VWA2: variants seen among roughly 807,000 people sequenced by gnomAD.
The protein encoded by VWA2 is von Willebrand factor A domain containing 2.
Under a neutral mutation model 70.4 loss-of-function variants are expected in VWA2, and 73 were observed. That is an observed-to-expected ratio of 1.04 (90% CI 0.86 to 1.26). VWA2 has a LOEUF of 1.26. Ranked by LOEUF, VWA2 falls within the 50% of genes most tolerant of loss-of-function variation. The pLI, the probability that VWA2 is intolerant of heterozygous loss-of-function variation, is 0.00. For missense variants in VWA2, 1,011 were observed against 998.5 expected, an observed-to-expected ratio of 1.01 and a Z score of -0.17; for synonymous variants, 407 against 423.3, an observed-to-expected ratio of 0.96 and a Z score of 0.47.
At chr10:114,274,252 G>A (rs2037772109) in intron 6 of VWA2, among the ~76,000 whole-genome samples, 2 of 152,344 alleles carry the variant, frequency 1.3e-5, no homozygotes, top group Non-Finnish European at 2.9e-5. Flanking sequence ...AGTTTATTGT[G>A]AGTAGGATGA....
rs539641081 is a variant in VWA2 at position 114,262,380 on chromosome 10, A to G, written c.371+1085A>G. Among the ~76,000 whole-genome samples, 16 of 151,920 alleles carry G rather than the reference A, an allele frequency of 1.1e-4. No homozygotes were observed. The South Asian group carries it at 3.3e-3, about 32-fold the overall frequency. ...CATATATACATATGCACATATTGAC[A>G]CATACATGTATATACATACACACAT... On this transcript the variant is annotated intron_variant, in intron 5 of 13. Coordinates refer to ENST00000392982, the MANE Select transcript of VWA2 (RefSeq NM_001272046.2).
chr10:114,244,062 T>G (rs368830142), intron 1 of VWA2, among the ~76,000 whole-genome samples: 1 of 152,224 alleles, frequency 6.6e-6, no homozygotes, highest in Non-Finnish European at 1.5e-5. Flanking sequence ...GAGGCATACC[T>G]GAGAATGGGT....
chr10:114,260,997 CTGTT>C (rs1289007781), intron 4 of VWA2, among the ~76,000 whole-genome samples, 185 bp from the exon 5 acceptor site: 7 of 152,180 alleles, frequency 4.6e-5, no homozygotes, highest in African/African-American at 1.7e-4. Context: ...ACAGATTTGG[CTGTT>C]TTTTTCCAGG....
intron 5 of VWA2, among the ~76,000 whole-genome samples, chr10:114,271,642 C>CACACACACACACACACACACACAG (rs3220694): frequency 6.6e-6 from 1 of 151,486 alleles, no homozygotes; most frequent in African/African-American, 2.4e-5. Flanking sequence ...CACACACACA[C>CACACACACACACACACACACACAG]AGCAGGTAAT....
chr10:114,251,656 G>A (rs1343758173), intron 2 of VWA2, among the ~76,000 whole-genome samples: 2 of 152,104 alleles, frequency 1.3e-5, no homozygotes, highest in East Asian at 1.9e-4. Flanking sequence ...AGGGCTGGGC[G>A]AGGCTCTGTG....
chr10:114,270,887 A>G (rs554493636), intron 5 of VWA2, among the ~76,000 whole-genome samples: 1 of 152,238 alleles, frequency 6.6e-6, no homozygotes, highest in South Asian at 2.1e-4. Flanking sequence ...TAGCTCCAGA[A>G]CACAGGTTAC....
rs1564755360 is a variant in VWA2 at position 114,293,992 on chromosome 10, A to G, written c.*2755A>G. On this transcript the variant is annotated 3_prime_UTR_variant, in exon 14 of 14. Coordinates refer to ENST00000392982, the MANE Select transcript of VWA2 (RefSeq NM_001272046.2). ...ATGCTTAATTCCTAGATGAACTAAGAGTGTTTATTACATGTTGAGATTTAT... is the reference window on the plus strand; with the variant it reads ...ATGCTTAATTCCTAGATGAACTAAGGGTGTTTATTACATGTTGAGATTTAT... 6.6e-6 allele frequency among the ~76,000 whole-genome samples: 1 copy of G among 152,196 alleles called. No homozygotes were observed. Among genetic ancestry groups the G allele is most frequent in the Admixed American group, 6.5e-5 (1 of 15,282 alleles).
At chr10:114,261,508 T>TA (rs34018253) in intron 5 of VWA2, among the ~76,000 whole-genome samples, 2 of 152,088 alleles carry the variant, frequency 1.3e-5, no homozygotes, top group South Asian at 2.1e-4. Context: ...TAAATGCAAG[T>TA]AAAAAAATTG....
intron 4 of VWA2, among the ~76,000 whole-genome samples, chr10:114,256,311 A>G (rs1351506875): frequency 6.6e-6 from 1 of 152,248 alleles, no homozygotes; most frequent in East Asian, 1.9e-4. Flanking sequence ...TCTGATATGG[A>G]AAAACACCAG....
intron 1 of VWA2, among the ~76,000 whole-genome samples, chr10:114,244,806 TA>T (rs2037036417): frequency 6.6e-6 from 1 of 152,232 alleles, no homozygotes; most frequent in Non-Finnish European, 1.5e-5. Flanking sequence ...AATCTTGGTA[TA>T]AAAAAGAATG....
intron 9 of VWA2, 144 bp downstream of exon 9, chr10:114,282,715 G>A: frequency 1.5e-6 from 1 of 689,052 alleles, no homozygotes; most frequent in Non-Finnish European, 2.6e-6. Flanking sequence ...GGGGGCAGAG[G>A]AGAGTGTGCT....
At chr10:114,246,209 T>C in intron 1 of VWA2, 1 of 1,101,914 alleles carries the variant, frequency 9.1e-7, no homozygotes, top group South Asian at 1.2e-5. Flanking sequence ...CAAAAGAATA[T>C]CACGGGTTGG....
chr10:114,239,795 G>A (rs942208158), intron 1 of VWA2, among the ~76,000 whole-genome samples: 2 of 152,202 alleles, frequency 1.3e-5, no homozygotes, highest in African/African-American at 4.8e-5. Flanking sequence ...AGCGCACCTG[G>A]CGCGCGCCTC....
chr10:114,244,134 C>T (rs2037021924), intron 1 of VWA2, among the ~76,000 whole-genome samples: 1 of 152,198 alleles, frequency 6.6e-6, no homozygotes, highest in African/African-American at 2.4e-5. Flanking sequence ...GCCAGAGGGC[C>T]CTGGTAAATC....
intron 11 of VWA2, 24 bp from the exon 12 acceptor site, chr10:114,288,913 GA>G: frequency 1.3e-6 from 2 of 1,580,136 alleles, no homozygotes; most frequent in Non-Finnish European, 1.7e-6. Context: ...ATCCACTGCT[GA>G]AGCCCCTCTG....
intron 4 of VWA2, among the ~76,000 whole-genome samples, chr10:114,259,095 T>A (rs1020242592): frequency 6.6e-6 from 1 of 152,252 alleles, no homozygotes; most frequent in Non-Finnish European, 1.5e-5. Flanking sequence ...TTATTTTTAA[T>A]TTTCAATAAA....
intron 4 of VWA2, among the ~76,000 whole-genome samples, chr10:114,259,361 C>T (rs2037394772): frequency 6.6e-6 from 1 of 152,044 alleles, no homozygotes; most frequent in Admixed American, 6.6e-5. Context: ...GATTCCCAGA[C>T]ACCTTTTTAT....
Position 114,292,134 on chromosome 10 carries a change from G to C in VWA2, c.*897G>C, listed in dbSNP as rs760543867. ...TTTACTAAAAATACAAAAGGTAGCC[G>C]GGGGTGGTGGTGGATGCCTATAATC... is the stretch of plus-strand genomic sequence containing the variant. On this transcript the variant is annotated 3_prime_UTR_variant, in exon 14 of 14. Coordinates refer to ENST00000392982, the MANE Select transcript of VWA2 (RefSeq NM_001272046.2). 6.6e-6 allele frequency among the ~76,000 whole-genome samples: 1 copy of C among 152,048 alleles called. No homozygotes were observed. The highest frequency in any genetic ancestry group is 2.4e-5 in the African/African-American group (1 of 41,400).
rs1287683101 is a variant in VWA2 at position 114,253,738 on chromosome 10, TC to T, written c.127+14del. 11 of 1,611,638 alleles carry T rather than the reference TC, an allele frequency of 6.8e-6. No homozygotes were observed. Among genetic ancestry groups the T allele is most frequent in the South Asian group, 3.3e-5 (3 of 90,960 alleles). On this transcript the variant is annotated intron_variant, in intron 3 of 13. Coordinates refer to ENST00000392982, the MANE Select transcript of VWA2 (RefSeq NM_001272046.2). The stretch of plus-strand genomic sequence containing the variant: ...GCTGCCAGCAAAAGTAAGCCCAGGT[TC>T]TTCTTAACCCTCCAGATGCCCACTC...
Sources: gnomAD v4.1 joint callset for allele counts (sites outside exome capture counted in the v4.1 genomes callset) on GRCh38, gnomAD v4.1.1 for gene constraint, MANE v1.5 for transcripts, NCBI Gene and HGNC (gene_info 2026-07-23, HGNC 2026-07-21) for gene names.